PAQR5: variants seen among roughly 807,000 people sequenced by gnomAD.
The protein encoded by PAQR5 is membrane progestin receptor gamma.
In PAQR5, 20 loss-of-function variants were observed where a neutral mutation model predicts 34.5. That is an observed-to-expected ratio of 0.58 (90% confidence interval 0.41 to 0.84). PAQR5 has a LOEUF of 0.84. Ranked by LOEUF, PAQR5 falls within the 40% of genes least tolerant of loss-of-function variation. PAQR5 has a pLI of 0.00. For synonymous variants in PAQR5, 131 were observed against 155.6 expected, an observed-to-expected ratio of 0.84 and a Z score of 1.18; for missense variants, 378 against 412.7, an observed-to-expected ratio of 0.92 and a Z score of 0.73.
chr15:69,381,954 G>A (rs952124183), intron 4 of PAQR5, among the ~76,000 whole-genome samples: 1 of 152,192 alleles, frequency 6.6e-6, no homozygotes, highest in Non-Finnish European at 1.5e-5. Context: ...GTGGAAGCGA[G>A]GTGCTCTGCA....
intron 1 of PAQR5, among the ~76,000 whole-genome samples, chr15:69,324,446 T>C (rs768843611): frequency 1.3e-5 from 2 of 152,194 alleles, no homozygotes; most frequent in African/African-American, 2.4e-5. Flanking sequence ...ACCAGAGCCG[T>C]TGAAACTTTT....
intron 8 of PAQR5, among the ~76,000 whole-genome samples, chr15:69,403,215 T>A (rs2056689728): frequency 6.6e-6 from 1 of 152,238 alleles, no homozygotes; most frequent in Non-Finnish European, 1.5e-5. Context: ...GGCCTTTTAT[T>A]TTTCCCATAT....
chr15:69,397,568 AG>A lies in PAQR5; in HGVS notation c.609+6del, dbSNP rs1277258627. 1 of 1,578,926 alleles carries A rather than the reference AG, an allele frequency of 6.3e-7. No individual in the cohort carries two copies. Among genetic ancestry groups the A allele is most frequent in the South Asian group, 1.1e-5 (1 of 90,364 alleles). On this transcript the variant is annotated splice_donor_5th_base_variant and intron_variant, in intron 7 of 8. Transcript: ENST00000395407. ...CTCCCTCCCCATCTTCTACAGGGTA[AG>A]GACTGGCTGCATCTCCTCTCTGCCT...
chr15:69,380,978 C>T lies in PAQR5; in HGVS notation c.179+968C>T, dbSNP rs543766550. On this transcript the variant is annotated intron_variant, in intron 4 of 8. Transcript: ENST00000395407. ...CTGAGTAGAAGTCAGATGACAGACC[C>T]GGGGCCAAAATGCAGGGGCAGGCTG... is the stretch of plus-strand genomic sequence containing the variant. 2.6e-5 allele frequency among the ~76,000 whole-genome samples: 4 copies of T among 152,226 alleles called. No individual in the cohort carries two copies. The East Asian group carries it at 5.8e-4, about 22-fold the overall frequency.
intron 3 of PAQR5, among the ~76,000 whole-genome samples, chr15:69,376,513 T>C (rs1007582445): frequency 1.3e-5 from 2 of 152,148 alleles, no homozygotes; most frequent in South Asian, 4.1e-4. Context: ...GAGGTTCAAG[T>C]TGGGGAGGGC....
At chr15:69,340,608 T>C (rs2054616497) in intron 2 of PAQR5, among the ~76,000 whole-genome samples, 1 of 152,204 alleles carries the variant, frequency 6.6e-6, no homozygotes, top group Non-Finnish European at 1.5e-5. Context: ...CCCAGCTCCC[T>C]GCCCTGTGAG....
chr15:69,390,714 T>C (rs1355571703), intron 6 of PAQR5, among the ~76,000 whole-genome samples: 3 of 152,154 alleles, frequency 2.0e-5, no homozygotes, highest in Admixed American at 1.3e-4. Flanking sequence ...TGGTCACTAA[T>C]GGTGACTGGG....
chr15:69,311,576 GC>G (rs1237612937), intron 1 of PAQR5, among the ~76,000 whole-genome samples: 2 of 152,108 alleles, frequency 1.3e-5, no homozygotes, highest in African/African-American at 4.8e-5. Flanking sequence ...ATCTTTCCCT[GC>G]CCTTAGTCGC....
chr15:69,393,527 G>C (rs1464359388), intron 6 of PAQR5, among the ~76,000 whole-genome samples: 3 of 152,062 alleles, frequency 2.0e-5, no homozygotes, highest in Non-Finnish European at 4.4e-5. Flanking sequence ...TCTCTGGTTT[G>C]GGCATCGTGC....
chr15:69,356,121 C>G (rs2055070850), intron 2 of PAQR5, among the ~76,000 whole-genome samples: 2 of 152,210 alleles, frequency 1.3e-5, no homozygotes, highest in South Asian at 2.1e-4. Flanking sequence ...CTTTTTCTTC[C>G]CATGATATTG....
At chr15:69,379,713 T>G in intron 3 of PAQR5, 170 bp from the exon 4 acceptor site, 2 of 762,472 alleles carry the variant, frequency 2.6e-6, no homozygotes, top group Non-Finnish European at 3.2e-6. Flanking sequence ...GACAAGGGAT[T>G]TTAGAAGCTA....
At chr15:69,376,006 A>G (rs1001833804) in intron 3 of PAQR5, among the ~76,000 whole-genome samples, 1 of 152,238 alleles carries the variant, frequency 6.6e-6, no homozygotes, top group African/African-American at 2.4e-5. Flanking sequence ...AGTCTTGGCC[A>G]TGCAAGAAGG....
chr15:69,309,243 G>A (rs2053779623), intron 1 of PAQR5, among the ~76,000 whole-genome samples: 1 of 152,180 alleles, frequency 6.6e-6, no homozygotes, highest in Non-Finnish European at 1.5e-5. Flanking sequence ...ATTTAGAGAT[G>A]GAGAACGAGT....
At chr15:69,354,773 C>T (rs1305600122) in intron 2 of PAQR5, among the ~76,000 whole-genome samples, 1 of 152,106 alleles carries the variant, frequency 6.6e-6, no homozygotes, top group African/African-American at 2.4e-5. Context: ...GTTGTAAGTC[C>T]ATGGACCAAG....
intron 3 of PAQR5, among the ~76,000 whole-genome samples, chr15:69,378,450 A>AT (rs2055781426): frequency 6.8e-6 from 1 of 147,902 alleles, no homozygotes; most frequent in Non-Finnish European, 1.5e-5. Context: ...AAAAAAAAAA[A>AT]AAAAAAAAAG....
At chr15:69,327,930 C>T (rs2054290780) in intron 1 of PAQR5, among the ~76,000 whole-genome samples, 1 of 152,114 alleles carries the variant, frequency 6.6e-6, no homozygotes, top group Admixed American at 6.5e-5. Context: ...AGGCTCCTGC[C>T]ACCACACCCG....
At chr15:69,335,311 T>C (rs2054488073) in intron 1 of PAQR5, among the ~76,000 whole-genome samples, 1 of 147,048 alleles carries the variant, frequency 6.8e-6, no homozygotes. Flanking sequence ...AATGGCATGA[T>C]CTCGGCTCAC....
chr15:69,399,014 G>A (rs2056539175), intron 7 of PAQR5, among the ~76,000 whole-genome samples: 1 of 152,220 alleles, frequency 6.6e-6, no homozygotes, highest in Non-Finnish European at 1.5e-5. Context: ...TTGTGGCTCA[G>A]GTGAAATGAT....
intron 1 of PAQR5, among the ~76,000 whole-genome samples, chr15:69,333,455 A>G (rs913724941): frequency 6.6e-6 from 1 of 152,180 alleles, no homozygotes; most frequent in African/African-American, 2.4e-5. Context: ...GTGGAGGGAT[A>G]CTTGACTCTG....
Sources: allele counts gnomAD v4.1 joint callset (sites outside exome capture counted in the v4.1 genomes callset), GRCh38; gene constraint gnomAD v4.1.1; transcripts MANE v1.5; gene names NCBI Gene and HGNC (gene_info 2026-07-23, HGNC 2026-07-21).